The following PTPRN2 variants were observed in gnomAD, a reference collection of about 807,000 sequenced individuals.
The protein encoded by PTPRN2 is receptor-type tyrosine-protein phosphatase N2.
PTPRN2 carries 74 observed loss-of-function variants against 118.8 expected under a neutral mutation model. The ratio of observed to expected loss-of-function variants is 0.62; its 90% CI spans 0.52 to 0.76. The LOEUF (loss-of-function observed/expected upper bound fraction) is 0.76, where lower values mean the gene tolerates loss of function less well. PTPRN2 is among the 30% of genes least tolerant of loss of function. PTPRN2 has a pLI of 0.00. For missense variants in PTPRN2, 1,481 were observed against 1,394.4 expected (o/e 1.06, Z -0.99); for synonymous variants, 641 against 608.0 (o/e 1.05, Z -0.80).
At chr7:158,061,237 G>A (rs1810305471) in intron 11 of PTPRN2, among the ~76,000 whole-genome samples, 1 of 152,246 alleles carries the variant, frequency 6.6e-6, no homozygotes, top group Non-Finnish European at 1.5e-5. Flanking sequence ...CGCTCAGAGA[G>A]TGCGCGTCCC....
At chr7:158,481,012 A>G (rs973676589) in intron 2 of PTPRN2, among the ~76,000 whole-genome samples, 1 of 152,254 alleles carries the variant, frequency 6.6e-6, no homozygotes, top group Non-Finnish European at 1.5e-5. Flanking sequence ...CAGATTTTCA[A>G]TGTAGATGAA....
chr7:158,520,751 G>A (rs1218358948), intron 1 of PTPRN2, among the ~76,000 whole-genome samples: 4 of 152,152 alleles, frequency 2.6e-5, no homozygotes, highest in Admixed American at 6.5e-5. Flanking sequence ...GAACGATCGG[G>A]TGGCTGCTTA....
chr7:158,163,374 C>T (rs1049671602), intron 6 of PTPRN2, among the ~76,000 whole-genome samples: 1 of 148,096 alleles, frequency 6.8e-6, no homozygotes, highest in Non-Finnish European at 1.5e-5. Context: ...TCTCAATATT[C>T]TCTGCGTGTT....
At chr7:157,830,519 C>T (rs560536943) in intron 12 of PTPRN2, among the ~76,000 whole-genome samples, 61 of 151,962 alleles carry the variant, frequency 4.0e-4, no homozygotes, top group African/African-American at 1.3e-3. Flanking sequence ...AGGGGTTGAC[C>T]GTGCACCTGC....
intron 3 of PTPRN2, among the ~76,000 whole-genome samples, chr7:158,255,814 C>G (rs1258034916): frequency 6.6e-6 from 1 of 151,706 alleles, no homozygotes; most frequent in Non-Finnish European, 1.5e-5. Context: ...ATGGGCCCTC[C>G]TGTCCCTGGG....
At chr7:158,390,836 T>A (rs1028803947) in intron 2 of PTPRN2, among the ~76,000 whole-genome samples, 2 of 152,174 alleles carry the variant, frequency 1.3e-5, no homozygotes, top group African/African-American at 4.8e-5. Context: ...AAGGTGGGTA[T>A]GTCATGCCCC....
At chr7:158,444,856 T>A (rs1379707850) in intron 2 of PTPRN2, among the ~76,000 whole-genome samples, 1 of 152,202 alleles carries the variant, frequency 6.6e-6, no homozygotes, top group African/African-American at 2.4e-5. Flanking sequence ...CTCACTGCTG[T>A]GCAGCTTACA....
intron 21 of PTPRN2, among the ~76,000 whole-genome samples, chr7:157,563,624 GC>G (rs1472304422): frequency 7.2e-6 from 1 of 139,000 alleles, no homozygotes; most frequent in Non-Finnish European, 1.5e-5. Context: ...AGGACCACGT[GC>G]TCCCACATCA....
At chr7:158,494,793 C>T (rs1392497981) in intron 1 of PTPRN2, among the ~76,000 whole-genome samples, 2 of 152,216 alleles carry the variant, frequency 1.3e-5, no homozygotes, top group Non-Finnish European at 2.9e-5. Context: ...TGAACTGGGA[C>T]AGCCCCTGAG....
chr7:158,147,260 GACACCCC>G (rs1820185603), intron 6 of PTPRN2, among the ~76,000 whole-genome samples: 1 of 96,336 alleles, frequency 1.0e-5, no homozygotes, highest in Non-Finnish European at 2.2e-5. Flanking sequence ...CCCCTTCAAT[GACACCCC>G]ATCTCACGCC....
intron 12 of PTPRN2, among the ~76,000 whole-genome samples, chr7:157,733,396 C>T (rs1198422265): frequency 5.6e-5 from 4 of 71,962 alleles, no homozygotes; most frequent in Admixed American, 1.4e-4. Context: ...GCACAGTTAC[C>T]CTTCCACCCC....
rs1188169829 is a variant in PTPRN2, at chr7:157,690,554, G to A, written c.1789-7617C>T. On this transcript the variant is annotated intron_variant, in intron 12 of 22. Coordinates refer to ENST00000389418, the MANE Select transcript of PTPRN2 (RefSeq NM_002847.5). This position sits in a 1 kb window ranked among gnomAD's most constrained non-coding sequence, Gnocchi z 7.1. ...CCCCGCCCGGCACCCCTGGTTACCTGCAGCTGGGCCGGCGCCCAGCGCCCG... is the reference window on the plus strand; with the variant it reads ...CCCCGCCCGGCACCCCTGGTTACCTACAGCTGGGCCGGCGCCCAGCGCCCG... Among the ~76,000 whole-genome samples the A allele has an allele frequency of 6.6e-6, 1 of 151,764 alleles. No homozygotes were observed. Among genetic ancestry groups the A allele is most frequent in the Non-Finnish European group, 1.5e-5 (1 of 67,892 alleles).
chr7:158,192,402 C>T lies in PTPRN2; in HGVS notation c.474G>A (p.Leu158=), dbSNP rs1825843444. The T allele has an allele frequency of 6.5e-7, 1 of 1,534,758 alleles. No homozygotes were observed. Among genetic ancestry groups the T allele is most frequent in the Non-Finnish European group, 8.7e-7 (1 of 1,151,742 alleles). Residue 158 remains leucine (L), a synonymous_variant, in exon 5 of 23, where the codon CTG becomes CTA. Coordinates refer to ENST00000389418, the MANE Select transcript of PTPRN2 (RefSeq NM_002847.5). ...AGGCTGGGGCCTGGGACAGGGCCTC[C>T]AGGAAGGGCAGGTGGCGTCGGAGGG... The part of the protein sequence containing the change: ...ANALRRHLPF[L]EALSQAPASD...
intron 1 of PTPRN2, among the ~76,000 whole-genome samples, chr7:158,571,492 CA>C (rs1158789615): frequency 6.9e-5 from 5 of 72,612 alleles, no homozygotes; most frequent in Admixed American, 1.4e-4. Flanking sequence ...AAAACAAAAA[CA>C]AAAAAAAACA....
At chr7:158,153,349 G>A (rs1170236063) in intron 6 of PTPRN2, among the ~76,000 whole-genome samples, 5 of 152,214 alleles carry the variant, frequency 3.3e-5, no homozygotes, top group Admixed American at 6.5e-5. Context: ...TTGTGATAAG[G>A]AAGGGGTCTG....
intron 12 of PTPRN2, among the ~76,000 whole-genome samples, chr7:157,800,665 A>T (rs1011073779): frequency 2.0e-5 from 3 of 152,164 alleles, no homozygotes; most frequent in Admixed American, 1.3e-4. Flanking sequence ...TTAAAATATG[A>T]ATACCTGCCG....
intron 8 of PTPRN2, among the ~76,000 whole-genome samples, chr7:158,135,613 A>C (rs1276375962): frequency 6.6e-6 from 1 of 152,284 alleles, no homozygotes; most frequent in East Asian, 1.9e-4. Context: ...TCTTAGGCTA[A>C]CGGCAGCCCC....
At chr7:157,803,641 T>C (rs1178632948) in intron 12 of PTPRN2, among the ~76,000 whole-genome samples, 1 of 152,200 alleles carries the variant, frequency 6.6e-6, no homozygotes, top group African/African-American at 2.4e-5. Context: ...TGCCGTTCTT[T>C]TGCATGTGGA....
At chr7:157,725,314 GC>G (rs1799490839) in intron 12 of PTPRN2, among the ~76,000 whole-genome samples, 1 of 109,180 alleles carries the variant, frequency 9.2e-6, no homozygotes, top group Non-Finnish European at 1.8e-5. Flanking sequence ...GAGGAGTGTG[GC>G]CAGACCCTCG....
Sources: gnomAD v4.1 joint callset for allele counts (sites outside exome capture counted in the v4.1 genomes callset) on GRCh38, gnomAD v4.1.1 for gene constraint, Gnocchi (gnomAD v3.1) non-coding constraint, MANE v1.5 for transcripts, NCBI Gene and HGNC (gene_info 2026-07-23, HGNC 2026-07-21) for gene names.